SMIM7: variants seen among roughly 807,000 people sequenced by gnomAD.
The protein encoded by SMIM7 is small integral membrane protein 7.
Under a neutral mutation model 13.3 loss-of-function variants are expected in SMIM7, and 12 were observed. The ratio of observed to expected loss-of-function variants is 0.90; its 90% confidence interval spans 0.58 to 1.46. SMIM7 has a LOEUF of 1.46. Among genes scored for constraint, SMIM7 ranks in the 40% most tolerant of loss-of-function variants. The pLI, the probability that SMIM7 is intolerant of heterozygous loss-of-function variation, is 0.00. For missense variants in SMIM7, 114 were observed against 94.8 expected, an observed-to-expected ratio of 1.20 and a Z score of -0.84; for synonymous variants, 36 against 35.8, an observed-to-expected ratio of 1.01 and a Z score of -0.02.
intron 3 of SMIM7, among the ~76,000 whole-genome samples, chr19:16,658,712 G>T (rs1456655935): frequency 2.0e-5 from 3 of 152,166 alleles, no homozygotes; most frequent in African/African-American, 7.2e-5. Context: ...GAAAGCAACA[G>T]CTATGTGTGA....
intron 4 of SMIM7, among the ~76,000 whole-genome samples, chr19:16,638,301 CTTTTT>C (rs375558591): frequency 4.1e-5 from 5 of 122,768 alleles, no homozygotes; most frequent in African/African-American, 6.1e-5. Flanking sequence ...TTTCTTTTTT[CTTTTT>C]TTTTTTTTTT....
chr19:16,648,204 G>A (rs112541147), intron 4 of SMIM7, among the ~76,000 whole-genome samples: 12,466 of 152,072 alleles, frequency 0.082, 767 homozygotes, highest in African/African-American at 0.17. Flanking sequence ...GCCGTGGGGC[G>A]ATCTCGGCTC....
At chr19:16,649,315 C>T (rs1330099965) in intron 4 of SMIM7, among the ~76,000 whole-genome samples, 1 of 152,030 alleles carries the variant, frequency 6.6e-6, no homozygotes, top group Non-Finnish European at 1.5e-5. Context: ...CAGTGGTTCA[C>T]GCCTATAATC....
chr19:16,652,995 A>G (rs889817403), intron 4 of SMIM7: 7 of 1,549,218 alleles, frequency 4.5e-6, no homozygotes, highest in Non-Finnish European at 6.1e-6. Context: ...AATTTAAAAC[A>G]ATAAAGTCTG....
intron 4 of SMIM7, among the ~76,000 whole-genome samples, chr19:16,651,406 G>A (rs2086522820): frequency 6.6e-6 from 1 of 152,306 alleles, no homozygotes; most frequent in East Asian, 1.9e-4. Flanking sequence ...TGACCTAAGT[G>A]GTTATGGCAG....
At chr19:16,635,899 A>AAAAAAAAAAAAAAAAAAAAAT (rs1200181092) in intron 4 of SMIM7, among the ~76,000 whole-genome samples, 1 of 109,582 alleles carries the variant, frequency 9.1e-6, no homozygotes, top group African/African-American at 4.3e-5. Context: ...AAAAAAAAAA[A>AAAAAAAAAAAAAAAAAAAAAT]ATATATATAT....
At chr19:16,636,068 T>A (rs2086359150) in intron 4 of SMIM7, 1 of 151,880 alleles carries the variant, frequency 6.6e-6, no homozygotes, top group South Asian at 2.1e-4. Context: ...ACTCATCAAC[T>A]GACTGCTGGA....
At chr19:16,659,668 T>C (rs2122560723) in intron 2 of SMIM7, 1 of 656,214 alleles carries the variant, frequency 1.5e-6, no homozygotes, top group Non-Finnish European at 2.6e-6. Context: ...GGCCCGACAG[T>C]GCGGGTGCAG....
intron 4 of SMIM7, among the ~76,000 whole-genome samples, chr19:16,651,989 G>A (rs929487118): frequency 6.7e-6 from 1 of 149,926 alleles, no homozygotes; most frequent in African/African-American, 2.5e-5. Flanking sequence ...GAAGCATGCT[G>A]ACTTCTTCCC....
intron 3 of SMIM7, chr19:16,655,368 C>T (rs1190017375): frequency 2.2e-6 from 1 of 455,980 alleles, no homozygotes; most frequent in Non-Finnish European, 4.4e-6. Flanking sequence ...CCTCTCAAGC[C>T]CTCCAGAATG....
intron 4 of SMIM7, chr19:16,653,792 G>C (rs1029533177): frequency 1.6e-5 from 8 of 484,974 alleles, no homozygotes; most frequent in Middle Eastern, 5.3e-4. Context: ...TTACTCGGGA[G>C]GCTGAGGCAG....
At chr19:16,643,645 C>T (rs907498303), downstream of SMIM7, among the ~76,000 whole-genome samples, 1 of 152,172 alleles carries the variant, frequency 6.6e-6, no homozygotes, top group Non-Finnish European at 1.5e-5. Flanking sequence ...GATCTACCCA[C>T]CTCAGCCTCC....
chr19:16,659,601 GC>G (rs2086645425), intron 2 of SMIM7, 154 bp from the exon 3 acceptor site: 1 of 743,654 alleles, frequency 1.3e-6, no homozygotes, highest in Non-Finnish European at 2.2e-6. Flanking sequence ...CCTTCTCTGG[GC>G]CCCCACTGCC....
At chr19:16,653,860 A>G in intron 4 of SMIM7, 175 bp downstream of exon 4, 1 of 607,996 alleles carries the variant, frequency 1.6e-6, no homozygotes, top group Non-Finnish European at 2.8e-6. Context: ...GCACCACTGC[A>G]CTCCAGTTTA....
intron 3 of SMIM7, among the ~76,000 whole-genome samples, chr19:16,657,852 G>A (rs765679232): frequency 2.0e-5 from 3 of 151,946 alleles, no homozygotes; most frequent in Non-Finnish European, 2.9e-5. Flanking sequence ...TTAACACAGC[G>A]AGATACCTAT....
chr19:16,649,084 G>T (rs2086486105), intron 4 of SMIM7, among the ~76,000 whole-genome samples: 3 of 152,174 alleles, frequency 2.0e-5, no homozygotes, highest in Admixed American at 2.0e-4. Context: ...AACGGTAACA[G>T]AGTTGGCAAG....
intron 4 of SMIM7, among the ~76,000 whole-genome samples, chr19:16,649,304 G>A (rs948795855): frequency 6.6e-6 from 1 of 152,006 alleles, no homozygotes; most frequent in African/African-American, 2.4e-5. Flanking sequence ...TCAGCCAGGC[G>A]CAGTGGTTCA....
Position 16,647,251 on chromosome 19 carries a change from A to G in SMIM7, c.223T>C (p.Ser75Pro). ...MMFCMIVLFGS is the reference protein window; with the variant it reads ...MMFCMIVLFGP Reference sequence around the variant, plus strand: ...CCTGGTTTCATCGCTGGGATTCAAGAGCCGAACAGCCTGGAGAAGTCAGAG... The same window carrying G: ...CCTGGTTTCATCGCTGGGATTCAAGGGCCGAACAGCCTGGAGAAGTCAGAG... The change falls in exon 5 of 5, where the codon TCT (serine) becomes CCT (proline). Residue 75 changes from serine (S) to proline (P), a missense_variant. Ser to Pro is a moderately conservative substitution (Grantham distance 74). Coordinates refer to ENST00000487416, the MANE Select transcript of SMIM7 (RefSeq NM_024104.4). 1 of 1,614,040 alleles carries G rather than the reference A, an allele frequency of 6.2e-7. No homozygotes were observed. The highest frequency in any genetic ancestry group is 8.5e-7 in the Non-Finnish European group (1 of 1,180,024).
At chr19:16,655,682 A>C (rs978531356) in intron 3 of SMIM7, among the ~76,000 whole-genome samples, 289 of 144,300 alleles carry the variant, frequency 2.0e-3, no homozygotes, top group Non-Finnish European at 3.7e-3. Flanking sequence ...CTCCATCTCA[A>C]AAAAAAAAAA....
Sources: gnomAD v4.1 joint callset for allele counts (sites outside exome capture counted in the v4.1 genomes callset) on GRCh38, gnomAD v4.1.1 for gene constraint, MANE v1.5 for transcripts, NCBI Gene and HGNC (gene_info 2026-07-23, HGNC 2026-07-21) for gene names.